Variants in FARP1 observed in about 807,000 individuals in gnomAD.
FARP1 encodes FERM, ARH/RhoGEF and pleckstrin domain protein 1.
In FARP1, 52 loss-of-function variants were observed where a neutral mutation model predicts 128.8. The observed-to-expected ratio is 0.40, with a 90% CI of 0.32 to 0.51. FARP1 has a LOEUF of 0.51. FARP1 is among the 20% of genes least tolerant of loss of function. The pLI, the probability that FARP1 is intolerant of heterozygous loss-of-function variation, is 0.45. For missense variants in FARP1, 1,333 were observed against 1,367.9 expected (o/e 0.97, Z 0.40); for synonymous variants, 580 against 551.8 (o/e 1.05, Z -0.72).
chr13:98,416,787 T>C (rs368441832), intron 16 of FARP1, among the ~76,000 whole-genome samples: 3 of 152,252 alleles, frequency 2.0e-5, no homozygotes, highest in South Asian at 4.2e-4. Flanking sequence ...CCTGCTTTGC[T>C]ACAGAGTGCC....
intron 2 of FARP1, among the ~76,000 whole-genome samples, chr13:98,220,120 A>G (rs1342964460): frequency 2.6e-5 from 4 of 151,548 alleles, no homozygotes; most frequent in Admixed American, 1.3e-4. Context: ...GGCGGGGTCT[A>G]TCTCTTCTGT....
At chr13:98,318,950 G>GTTTT (rs56166470) in intron 2 of FARP1, among the ~76,000 whole-genome samples, 1,863 of 120,006 alleles carry the variant, frequency 0.016, 4 homozygotes, top group African/African-American at 0.028. Flanking sequence ...GTTTTTTCTT[G>GTTTT]TTTTTTTTTT....
At chr13:98,241,356 T>C (rs193181679) in intron 2 of FARP1, among the ~76,000 whole-genome samples, 7 of 152,086 alleles carry the variant, frequency 4.6e-5, no homozygotes, top group African/African-American at 1.7e-4. Flanking sequence ...TGGGGCATTT[T>C]GATGGGCAAG....
chr13:98,193,910 T>C (rs1156281545), intron 1 of FARP1, among the ~76,000 whole-genome samples: 1 of 152,228 alleles, frequency 6.6e-6, no homozygotes, highest in Non-Finnish European at 1.5e-5. Flanking sequence ...CATTTGGACA[T>C]AGTCTTTTAG....
intron 13 of FARP1, chr13:98,399,323 T>C (rs1393012374): frequency 1.3e-5 from 2 of 152,138 alleles, no homozygotes; most frequent in Non-Finnish European, 2.9e-5. Context: ...TTTGCTGAGG[T>C]GATGTGGTCT....
At chr13:98,256,948 GATATATATA>G (rs1883627682) in intron 2 of FARP1, among the ~76,000 whole-genome samples, 2 of 77,076 alleles carry the variant, frequency 2.6e-5, no homozygotes, top group Non-Finnish European at 5.4e-5. Context: ...TATATATGTG[GATATATATA>G]TATATATATA....
At chr13:98,233,423 TGA>T (rs931670089) in intron 2 of FARP1, among the ~76,000 whole-genome samples, 4 of 152,000 alleles carry the variant, frequency 2.6e-5, no homozygotes, top group Admixed American at 2.6e-4. Flanking sequence ...GTGCTCTCGG[TGA>T]GCAGGTAGAA....
chr13:98,318,057 T>C (rs1886807760), intron 2 of FARP1, among the ~76,000 whole-genome samples: 1 of 146,810 alleles, frequency 6.8e-6, no homozygotes, highest in Admixed American at 6.9e-5. Context: ...CCTTCCTTCC[T>C]TCTCCTCCTC....
At chr13:98,441,670 G>A (rs1892530212) in intron 24 of FARP1, among the ~76,000 whole-genome samples, 1 of 152,226 alleles carries the variant, frequency 6.6e-6, no homozygotes, top group Non-Finnish European at 1.5e-5. Flanking sequence ...CAGAACGGTG[G>A]AGAAAGGTTA....
intron 1 of FARP1, among the ~76,000 whole-genome samples, chr13:98,185,816 G>C (rs1286315524): frequency 6.6e-6 from 1 of 152,020 alleles, no homozygotes; most frequent in Non-Finnish European, 1.5e-5. Flanking sequence ...TCCTGCCTCA[G>C]CCTCCCAAGT....
At chr13:98,410,647 G>C in intron 14 of FARP1, 87 bp from the exon 15 acceptor site, 1 of 630,238 alleles carries the variant, frequency 1.6e-6, no homozygotes. Context: ...TCACAAGTTA[G>C]TAACATATCA....
intron 2 of FARP1, among the ~76,000 whole-genome samples, chr13:98,257,272 G>C (rs559137723): frequency 4.6e-5 from 7 of 152,196 alleles, no homozygotes; most frequent in African/African-American, 1.7e-4. Context: ...ATGGAAATGT[G>C]TTCTGGAAGC....
Position 98,427,740 on chromosome 13 carries a change from G to C in FARP1, c.1905+3090G>C, listed in dbSNP as rs558347373. On this transcript the variant is annotated intron_variant, in intron 17 of 26. Coordinates refer to ENST00000319562, the MANE Select transcript of FARP1 (RefSeq NM_005766.4). ...TGGCGTTCTTTCTCCTCGGTCTGGGGAGCTGGCATTTCTGCATTCAGCCAG... is the reference window on the plus strand; with the variant it reads ...TGGCGTTCTTTCTCCTCGGTCTGGGCAGCTGGCATTTCTGCATTCAGCCAG... Among the ~76,000 whole-genome samples the C allele has an allele frequency of 3.3e-5, 5 of 152,300 alleles. No individual in the cohort carries two copies. In the South Asian group the frequency reaches 1.0e-3, roughly 32 times the overall value.
chr13:98,335,835 A>G (rs1324855718), intron 2 of FARP1, among the ~76,000 whole-genome samples: 1 of 152,204 alleles, frequency 6.6e-6, no homozygotes, highest in Non-Finnish European at 1.5e-5. Context: ...TCTGATAGGT[A>G]TCAGTGGTAG....
chr13:98,233,922 A>G (rs1283019749), intron 2 of FARP1: 1 of 152,246 alleles, frequency 6.6e-6, no homozygotes, highest in Non-Finnish European at 1.5e-5. Flanking sequence ...TTTACAAGTC[A>G]GAAATGGAAA....
intron 13 of FARP1, chr13:98,400,109 A>G (rs1890700717): frequency 1.3e-5 from 2 of 152,246 alleles, no homozygotes; most frequent in Non-Finnish European, 1.5e-5. Context: ...GCCTGCACTT[A>G]AAATGTAAGT....
intron 16 of FARP1, among the ~76,000 whole-genome samples, chr13:98,415,712 T>C (rs1418923356): frequency 1.3e-5 from 2 of 152,232 alleles, no homozygotes; most frequent in African/African-American, 4.8e-5. Context: ...ACAGGGAAGA[T>C]TATTAAGAAA....
intron 2 of FARP1, among the ~76,000 whole-genome samples, chr13:98,300,589 T>G (rs1449014813): frequency 1.3e-5 from 2 of 152,214 alleles, no homozygotes; most frequent in Non-Finnish European, 2.9e-5. Context: ...GACTGTGCCC[T>G]CTTGCCGGTG....
intron 1 of FARP1, among the ~76,000 whole-genome samples, chr13:98,201,514 C>T (rs4772049): frequency 0.64 from 97,068 of 152,064 alleles, 33,039 homozygotes; most frequent in Non-Finnish European, 0.76. Context: ...CAGAGTTCAG[C>T]TGGATTAGAA....
Sources: allele counts gnomAD v4.1 joint callset (sites outside exome capture counted in the v4.1 genomes callset), GRCh38; gene constraint gnomAD v4.1.1; transcripts MANE v1.5; gene names NCBI Gene and HGNC (gene_info 2026-07-23, HGNC 2026-07-21).